The following MAGI2 variants were observed in gnomAD, a reference collection of about 807,000 sequenced individuals.
The protein encoded by MAGI2 is membrane-associated guanylate kinase, WW and PDZ domain-containing protein 2.
Under a neutral mutation model 133.3 loss-of-function variants are expected in MAGI2, and 35 were observed. The observed-to-expected ratio is 0.26, with a 90% CI of 0.20 to 0.35. The LOEUF (loss-of-function observed/expected upper bound fraction) is 0.35, where lower values mean the gene tolerates loss of function less well. Ranked by LOEUF, MAGI2 falls within the 10% of genes least tolerant of loss-of-function variation. MAGI2 has a pLI of 1.00. For synonymous variants in MAGI2, 729 were observed against 710.6 expected (o/e 1.03, Z -0.41); for missense variants, 1,636 against 1,863.4 (o/e 0.88, Z 2.25).
intron 2 of MAGI2, among the ~76,000 whole-genome samples, chr7:78,859,080 T>G (rs1793925061): frequency 6.6e-6 from 1 of 152,124 alleles, no homozygotes; most frequent in African/African-American, 2.4e-5. Context: ...TTTTTTGTTT[T>G]CCATTTGCTT....
intron 2 of MAGI2, among the ~76,000 whole-genome samples, chr7:78,874,302 C>A (rs1428913850): frequency 6.6e-6 from 1 of 151,830 alleles, no homozygotes; most frequent in South Asian, 2.1e-4. Flanking sequence ...ATTAAGACAA[C>A]AATAATTTAA....
At chr7:78,332,853 T>C (rs1381792542) in intron 9 of MAGI2, among the ~76,000 whole-genome samples, 1 of 152,104 alleles carries the variant, frequency 6.6e-6, no homozygotes, top group Non-Finnish European at 1.5e-5. Flanking sequence ...GTTTTGAAAG[T>C]TAGGTGTGTT....
At chr7:79,305,255 A>G (rs1837694893) in intron 1 of MAGI2, among the ~76,000 whole-genome samples, 1 of 152,146 alleles carries the variant, frequency 6.6e-6, no homozygotes, top group Non-Finnish European at 1.5e-5. Flanking sequence ...GCATACATAT[A>G]TATGTATATA....
chr7:78,156,610 G>A (rs1183897540), intron 16 of MAGI2, among the ~76,000 whole-genome samples: 3 of 151,884 alleles, frequency 2.0e-5, no homozygotes, highest in African/African-American at 4.8e-5. Flanking sequence ...TCTTCACACC[G>A]AGGAAACTGA....
intron 20 of MAGI2, among the ~76,000 whole-genome samples, chr7:78,114,824 A>G (rs757285567): frequency 6.6e-6 from 1 of 152,138 alleles, no homozygotes; most frequent in Non-Finnish European, 1.5e-5. Context: ...ACAAGTGGGG[A>G]CTGGAGCTGG....
chr7:78,592,270 T>G (rs1471181331), intron 3 of MAGI2, among the ~76,000 whole-genome samples: 1 of 152,204 alleles, frequency 6.6e-6, no homozygotes, highest in East Asian at 1.9e-4. Flanking sequence ...GTTGTGATAT[T>G]TCAGAGCGCC....
At chr7:79,211,408 GC>G (rs1351772575) in intron 1 of MAGI2, among the ~76,000 whole-genome samples, 1 of 151,708 alleles carries the variant, frequency 6.6e-6, no homozygotes, top group Admixed American at 6.6e-5. Flanking sequence ...CTCCTGCGTA[GC>G]TGAGACTACA....
rs746424350 is a variant in MAGI2 at position 79,228,354 on chromosome 7, C to CAAAAAAAAAAAAA, written c.302-221161_302-221149dup. 3.2e-3 allele frequency among the ~76,000 whole-genome samples: 101 copies of CAAAAAAAAAAAAA among 31,398 alleles called. 3 individuals carry two copies. Among genetic ancestry groups the CAAAAAAAAAAAAA allele is most frequent in the African/African-American group, 7.0e-3 (93 of 13,246 alleles). 20.6% of individuals were successfully genotyped at this position (31,398 alleles called of 152,430 possible). Reference sequence around the variant, plus strand: ...CAAGACCCTGTCTCAAAAAAACAGGCAAAAAAAAAAAAAAAAGATCGTGGG... The same window carrying CAAAAAAAAAAAAA: ...CAAGACCCTGTCTCAAAAAAACAGGCAAAAAAAAAAAAAAAAAAAAAAAAAAAAAGATCGTGGG... On this transcript the variant is annotated intron_variant, in intron 1 of 21. Coordinates refer to ENST00000354212, the MANE Select transcript of MAGI2 (RefSeq NM_012301.4).
chr7:78,569,491 G>A (rs963839228), intron 3 of MAGI2, among the ~76,000 whole-genome samples: 1 of 152,056 alleles, frequency 6.6e-6, no homozygotes, highest in Non-Finnish European at 1.5e-5. Flanking sequence ...CTAGGCATAT[G>A]GAAACTCAGA....
Position 78,127,211 on chromosome 7 carries a change from A to T in MAGI2, c.3409T>A (p.Tyr1137Asn). 6.3e-7 allele frequency: 1 copy of T among 1,585,130 alleles called. No homozygotes were observed. The highest frequency in any genetic ancestry group is 8.6e-7 in the Non-Finnish European group (1 of 1,167,134). ...PDTRQYPLSD[Y>N]RQPQDFDYFT... ...GGAGGAGGTACCTGGGGTTGTCTGT[A>T]GTCCGACAGAGGGTACTGCCTGGTG... The change falls in exon 19 of 22, where the codon TAC becomes AAC. Residue 1137 changes from tyrosine to asparagine, a missense_variant. This residue lies in a region of MAGI2 where 920 missense variants were observed against 1,093.5 expected (regional missense o/e 0.84). Transcript: ENST00000354212.
intron 1 of MAGI2, among the ~76,000 whole-genome samples, chr7:79,279,064 T>C (rs2129557791): frequency 6.6e-6 from 1 of 152,246 alleles, no homozygotes; most frequent in Middle Eastern, 3.4e-3. Flanking sequence ...GGCTGCTTGC[T>C]GCTCAATCTA....
chr7:78,481,391 C>T (rs144661903), intron 6 of MAGI2, among the ~76,000 whole-genome samples: 1 of 151,926 alleles, frequency 6.6e-6, no homozygotes, highest in African/African-American at 2.4e-5. Context: ...ATGAGAACAG[C>T]ATGGGGCAAA....
chr7:79,309,438 G>A (rs4256536), intron 1 of MAGI2, among the ~76,000 whole-genome samples: 92,534 of 150,222 alleles, frequency 0.62, 29,983 homozygotes, highest in Non-Finnish European at 0.71. Flanking sequence ...GTGCTTTTAC[G>A]TTAAAATATG....
intron 2 of MAGI2, among the ~76,000 whole-genome samples, chr7:78,988,181 A>T (rs541863117): frequency 4.6e-5 from 7 of 152,188 alleles, no homozygotes; most frequent in African/African-American, 1.7e-4. Context: ...CCAACTCCCT[A>T]ACAGCCTTAT....
chr7:78,417,318 T>A (rs78942882), intron 6 of MAGI2, among the ~76,000 whole-genome samples: 125 of 138,258 alleles, frequency 9.0e-4, no homozygotes, highest in Non-Finnish European at 1.3e-3. Context: ...AAAAAAAAAA[T>A]ATTCATTGCC....
At chr7:78,953,973 T>C (rs1386187437) in intron 2 of MAGI2, among the ~76,000 whole-genome samples, 1 of 152,180 alleles carries the variant, frequency 6.6e-6, no homozygotes, top group Non-Finnish European at 1.5e-5. Context: ...TCTAAAATTT[T>C]CATTTGAAAT....
intron 5 of MAGI2, among the ~76,000 whole-genome samples, chr7:78,497,726 A>T (rs367733457): frequency 1.1e-5 from 1 of 87,604 alleles, no homozygotes; most frequent in Admixed American, 1.2e-4. Flanking sequence ...TAACTATTCT[A>T]TCTATCTATC....
At chr7:78,811,419 T>C (rs547926611) in intron 2 of MAGI2, among the ~76,000 whole-genome samples, 1 of 151,992 alleles carries the variant, frequency 6.6e-6, no homozygotes, top group East Asian at 1.9e-4. Context: ...TTAATATATA[T>C]AATAATTAAA....
At chr7:79,080,196 A>G (rs1414361857) in intron 1 of MAGI2, among the ~76,000 whole-genome samples, 1 of 152,180 alleles carries the variant, frequency 6.6e-6, no homozygotes, top group Non-Finnish European at 1.5e-5. Flanking sequence ...TATACATTCC[A>G]AATTTATATT....
Sources: gnomAD v4.1 joint callset for allele counts (sites outside exome capture counted in the v4.1 genomes callset) on GRCh38, gnomAD v4.1.1 for gene constraint, gnomAD v4.1.1 regional missense constraint, MANE v1.5 for transcripts, NCBI Gene and HGNC (gene_info 2026-07-23, HGNC 2026-07-21) for gene names.